Variants in NRG1 observed in about 807,000 individuals in gnomAD.
The protein encoded by NRG1 is neuregulin 1, also known as pro-neuregulin-1, membrane-bound isoform.
A neutral mutation model predicts 63.8 loss-of-function variants in NRG1; 18 were observed. The observed-to-expected ratio is 0.28, with a 90% CI of 0.19 to 0.42. The LOEUF is 0.42. Ranked by LOEUF, NRG1 falls within the 10% of genes least tolerant of loss-of-function variation. The pLI is 1.00. For missense variants in NRG1, 762 were observed against 814.7 expected (o/e 0.94, Z 0.79); for synonymous variants, 302 against 301.3 (o/e 1.00, Z -0.02).
At chr8:32,749,424 A>G in intron 7 of NRG1, 1 of 883,070 alleles carries the variant, frequency 1.1e-6, no homozygotes, top group Non-Finnish European at 1.9e-6. Flanking sequence ...TTAACCACAC[A>G]CCATTTGTCT....
chr8:31,943,519 C>A (rs962298152), intron 1 of NRG1, among the ~76,000 whole-genome samples: 1 of 136,744 alleles, frequency 7.3e-6, no homozygotes, highest in Non-Finnish European at 1.5e-5. Flanking sequence ...CCCTGTTCCC[C>A]AAAAACCTAT....
intron 5 of NRG1, among the ~76,000 whole-genome samples, chr8:32,716,162 C>T (rs542205374): frequency 2.0e-4 from 30 of 152,280 alleles, no homozygotes; most frequent in South Asian, 1.4e-3. Flanking sequence ...TTAGAACATG[C>T]CTCACTAGGT....
chr8:32,745,419 A>T (rs1161963633), intron 7 of NRG1, among the ~76,000 whole-genome samples: 1 of 152,192 alleles, frequency 6.6e-6, no homozygotes, highest in East Asian at 1.9e-4. Flanking sequence ...AACTTACATT[A>T]TTCAGACTTG....
chr8:31,893,953 A>T (rs539993559), intron 1 of NRG1, among the ~76,000 whole-genome samples: 18 of 152,244 alleles, frequency 1.2e-4, no homozygotes, highest in East Asian at 1.9e-4. Flanking sequence ...GAATATTGTT[A>T]TGCAGATCAT....
At chr8:32,117,071 G>A (rs1832826615) in intron 1 of NRG1, among the ~76,000 whole-genome samples, 1 of 151,828 alleles carries the variant, frequency 6.6e-6, no homozygotes, top group Non-Finnish European at 1.5e-5. Context: ...GAGCCCAGGA[G>A]GTCCAGGTTG....
At chr8:32,179,506 A>G (rs1841200744) in intron 1 of NRG1, among the ~76,000 whole-genome samples, 1 of 152,172 alleles carries the variant, frequency 6.6e-6, no homozygotes, top group African/African-American at 2.4e-5. Context: ...AATGCTGCAA[A>G]AGCATTTGAT....
At chr8:32,121,395 A>G (rs967631251) in intron 1 of NRG1, among the ~76,000 whole-genome samples, 8 of 116,516 alleles carry the variant, frequency 6.9e-5, no homozygotes, top group African/African-American at 1.7e-4. Context: ...TTACCTGGGA[A>G]ATCGTGTGTG....
intron 1 of NRG1, among the ~76,000 whole-genome samples, chr8:32,494,679 C>T (rs1305574024): frequency 6.6e-6 from 1 of 152,064 alleles, no homozygotes; most frequent in Admixed American, 6.6e-5. Context: ...TAATATAAAA[C>T]TAAAAATGTG....
chr8:31,685,142 G>A (rs1443492262), intron 1 of NRG1, among the ~76,000 whole-genome samples: 1 of 152,162 alleles, frequency 6.6e-6, no homozygotes, highest in Admixed American at 6.5e-5. Context: ...GTTTGAGCTT[G>A]GAGGGGAAAT....
intron 1 of NRG1, among the ~76,000 whole-genome samples, chr8:32,123,769 C>A (rs1833769920): frequency 2.0e-5 from 3 of 151,244 alleles, no homozygotes; most frequent in Non-Finnish European, 4.4e-5. Flanking sequence ...AAATTTTATT[C>A]TTTTTGGTCT....
intron 9 of NRG1, 54 bp downstream of exon 9, chr8:32,756,583 G>A (rs1404730189): frequency 2.6e-5 from 39 of 1,527,786 alleles, no homozygotes; most frequent in Admixed American, 1.3e-4. Context: ...TTGTTCAGAC[G>A]CCTTGAAGTT....
At position 32,296,619 on chromosome 8, in the gene NRG1, A is replaced by C. The variant is rs1264254932; in HGVS notation, c.38-299209A>C. ...CGACAAGAGTGAAACTTTGTCCCAA[A>C]AAAAAAAAAAAAAAGCTTCCTTAAA... On this transcript the variant is annotated intron_variant, in intron 1 of 10. Transcript: ENST00000519301. 6.6e-5 allele frequency among the ~76,000 whole-genome samples: 8 copies of C among 120,656 alleles called. No individual in the cohort carries two copies. The South Asian group carries it at 7.4e-4, about 11-fold the overall frequency. 79.2% of individuals were successfully genotyped at this position (120,656 alleles called of 152,430 possible). A position where few individuals can be genotyped will look rare whatever the true frequency, so the allele number is the denominator to read the frequency against.
At chr8:32,731,794 T>A (rs371115201) in intron 6 of NRG1, among the ~76,000 whole-genome samples, 1 of 152,314 alleles carries the variant, frequency 6.6e-6, no homozygotes, top group South Asian at 2.1e-4. Flanking sequence ...TGGCTCATCA[T>A]GGTCCTGTCT....
intron 5 of NRG1, among the ~76,000 whole-genome samples, chr8:32,638,207 TATAAA>T (rs1204185545): frequency 1.3e-5 from 2 of 152,202 alleles, no homozygotes; most frequent in African/African-American, 2.4e-5. Context: ...TTTCTTCTTG[TATAAA>T]ATAAAATTCA....
At chr8:32,026,628 C>T (rs962061543) in intron 1 of NRG1, among the ~76,000 whole-genome samples, 2 of 152,020 alleles carry the variant, frequency 1.3e-5, no homozygotes, top group Non-Finnish European at 2.9e-5. Context: ...GCTTTTTAGT[C>T]CCAAGATGCC....
chr8:31,760,985 A>G (rs1399262501), intron 1 of NRG1, among the ~76,000 whole-genome samples: 1 of 152,190 alleles, frequency 6.6e-6, no homozygotes, highest in Non-Finnish European at 1.5e-5. Flanking sequence ...TCATGCTGCT[A>G]TAAAGACACA....
intron 1 of NRG1, among the ~76,000 whole-genome samples, chr8:32,413,814 A>T (rs2129485644): frequency 6.6e-6 from 1 of 152,324 alleles, no homozygotes; most frequent in East Asian, 1.9e-4. Context: ...CTTATTAATC[A>T]GAACATACAC....
intron 1 of NRG1, among the ~76,000 whole-genome samples, chr8:32,200,453 A>G (rs1240273171): frequency 6.6e-6 from 1 of 151,746 alleles, no homozygotes; most frequent in Non-Finnish European, 1.5e-5. Context: ...ATATTATGTT[A>G]CTTTTCTCTC....
chr8:31,912,940 C>T (rs1833070247), intron 1 of NRG1, among the ~76,000 whole-genome samples: 1 of 152,098 alleles, frequency 6.6e-6, no homozygotes, highest in Admixed American at 6.5e-5. Context: ...TGCCATTGTG[C>T]TGTTTTGATG....
Sources: gnomAD v4.1 joint callset for allele counts (sites outside exome capture counted in the v4.1 genomes callset) on GRCh38, gnomAD v4.1.1 for gene constraint, MANE v1.5 for transcripts, NCBI Gene and HGNC (gene_info 2026-07-23, HGNC 2026-07-21) for gene names.